The following ZNF676 variants were observed in gnomAD, a reference collection of about 807,000 sequenced individuals.
ZNF676 encodes zinc finger protein 676.
In ZNF676, 4 loss-of-function variants were observed where a neutral mutation model predicts 6.0. The observed-to-expected ratio is 0.67, with a 90% CI of 0.33 to 1.53. The LOEUF (loss-of-function observed/expected upper bound fraction) is 1.53, where lower values mean the gene tolerates loss of function less well. Among genes scored for constraint, ZNF676 ranks in the 40% most tolerant of loss-of-function variants. The probability of loss-of-function intolerance (pLI) is 0.06; values close to 1 mark genes in which losing one functional copy is unlikely to be tolerated. For missense variants in ZNF676, 644 were observed against 679.7 expected, an observed-to-expected ratio of 0.95 and a Z score of 0.58; for synonymous variants, 198 against 223.1, an observed-to-expected ratio of 0.89 and a Z score of 1.00.
the ZNF676 span, among the ~76,000 whole-genome samples, chr19:22,236,926 C>T: frequency 6.6e-6 from 1 of 152,158 alleles, no homozygotes; most frequent in South Asian, 2.1e-4. Flanking sequence ...CACTTGGCCC[C>T]TGCCATCATG....
the ZNF676 span, among the ~76,000 whole-genome samples, chr19:22,235,147 G>GAAA: frequency 6.8e-6 from 1 of 147,376 alleles, no homozygotes; most frequent in African/African-American, 2.6e-5. Context: ...AAGGAAGGAA[G>GAAA]GAAGGAAAGA....
At position 22,180,347 on chromosome 19, in the gene ZNF676, G is replaced by A; in HGVS notation, c.1370C>T (p.Ala457Val). Residue 457 changes from alanine (A) to valine (V), a missense_variant, in exon 3 of 3, where the codon GCC becomes GTC. Ala to Val is a moderately conservative substitution (Grantham distance 64). Coordinates refer to ENST00000397121, the MANE Select transcript of ZNF676 (RefSeq NM_001001411.3). ...AGTAAAGCTTGAGGACCAGGTGAAGGCTTTGCCACATTCTTCACATTTGTA... is the reference window on the plus strand; with the variant it reads ...AGTAAAGCTTGAGGACCAGGTGAAGACTTTGCCACATTCTTCACATTTGTA... ...KPYKCEECGKAFTWSSSFTKH... is the reference protein window; with the variant it reads ...KPYKCEECGKVFTWSSSFTKH... 1 of 1,613,630 alleles carries A rather than the reference G, an allele frequency of 6.2e-7. No homozygotes were observed. Among genetic ancestry groups the A allele is most frequent in the South Asian group, 1.1e-5 (1 of 91,054 alleles).
At chr19:22,259,809 C>T in the ZNF676 span, 2 of 152,140 alleles carry the variant, frequency 1.3e-5, no homozygotes, top group African/African-American at 2.4e-5. Context: ...AGTAATGTCA[C>T]TTTGGTATTG....
chr19:22,231,764 A>G, the ZNF676 span, among the ~76,000 whole-genome samples: 1 of 151,124 alleles, frequency 6.6e-6, no homozygotes, highest in East Asian at 2.0e-4. Context: ...CACCATGGCC[A>G]GCTAATTTTT....
chr19:22,250,530 T>A, the ZNF676 span, among the ~76,000 whole-genome samples: 1 of 152,278 alleles, frequency 6.6e-6, no homozygotes, highest in East Asian at 1.9e-4. Context: ...GTGATTCTCA[T>A]GCCTCAGCCT....
At chr19:22,245,541 G>A in the ZNF676 span, among the ~76,000 whole-genome samples, 1 of 142,024 alleles carries the variant, frequency 7.0e-6, no homozygotes, top group African/African-American at 2.8e-5. Context: ...AGTACAAGCA[G>A]GTGCCTCCCA....
intron 2 of ZNF676, among the ~76,000 whole-genome samples, chr19:22,190,632 T>TATAA (rs2023890178): frequency 1.3e-5 from 1 of 76,582 alleles, no homozygotes; most frequent in African/African-American, 7.4e-5. Context: ...GAATGCAACA[T>TATAA]ATATATATAT....
upstream of ZNF676, chr19:22,196,990 A>T (rs2023974091): frequency 2.8e-6 from 1 of 356,040 alleles, no homozygotes; most frequent in South Asian, 3.3e-5. Context: ...GAGGGCAAAA[A>T]CACTAACATG....
chr19:22,212,368 C>T (rs1000599061), intron 1 of ZNF676, among the ~76,000 whole-genome samples: 2 of 151,954 alleles, frequency 1.3e-5, no homozygotes, highest in African/African-American at 4.8e-5. Context: ...TATTTTCTTA[C>T]CTTTCAAGCC....
In ZNF676 at chr19:22,181,312, A is replaced by G; in HGVS notation, c.405T>C (p.His135=). ...TACATTTCAAACCTTTCTCTCCAGTATGCCTTATCTTATGTCTGTTTGAAT... is the reference window on the plus strand; with the variant it reads ...TACATTTCAAACCTTTCTCTCCAGTGTGCCTTATCTTATGTCTGTTTGAAT... ...CSNSNRHKIR[H]TGEKGLKCKE... Residue 135 remains histidine, a synonymous_variant, in exon 3 of 3, where the codon CAT becomes CAC. Transcript: ENST00000397121. The G allele has an allele frequency of 1.2e-6, 2 of 1,613,776 alleles. No homozygotes were observed. The highest frequency in any genetic ancestry group is 1.1e-5 in the South Asian group (1 of 91,070).
At chr19:22,213,960 G>T (rs1434498210) in intron 1 of ZNF676, among the ~76,000 whole-genome samples, 4 of 152,136 alleles carry the variant, frequency 2.6e-5, no homozygotes, top group African/African-American at 9.7e-5. Context: ...TGTGTCTAGG[G>T]AAACTAGAAG....
chr19:22,258,643 C>G, the ZNF676 span, among the ~76,000 whole-genome samples: 1 of 152,058 alleles, frequency 6.6e-6, no homozygotes, highest in Non-Finnish European at 1.5e-5. Context: ...GTGTTACACT[C>G]AGGAATATGT....
the ZNF676 span, among the ~76,000 whole-genome samples, chr19:22,246,790 G>C: frequency 2.9e-3 from 421 of 147,100 alleles, 1 homozygote; most frequent in African/African-American, 9.1e-3. Flanking sequence ...TTTGTGCACA[G>C]GGTCCAAACA....
chr19:22,192,339 C>G (rs77392246), intron 2 of ZNF676, among the ~76,000 whole-genome samples: 1 of 151,866 alleles, frequency 6.6e-6, no homozygotes, highest in Admixed American at 6.6e-5. Flanking sequence ...TATTTTATGT[C>G]TATAGATTCA....
upstream of ZNF676, among the ~76,000 whole-genome samples, chr19:22,198,066 G>A (rs2023988272): frequency 6.6e-6 from 1 of 151,946 alleles, no homozygotes. Context: ...GAATTTTCTG[G>A]GTAATAAATA....
chr19:22,230,604 GTATATATATGTATGTATAT>G, the ZNF676 span, among the ~76,000 whole-genome samples: 2 of 150,614 alleles, frequency 1.3e-5, no homozygotes, highest in Admixed American at 6.7e-5. Context: ...ATATATATGT[GTATATATATGTATGTATAT>G]TATATATATG....
At position 22,179,732 on chromosome 19, in the gene ZNF676, G is replaced by T. The variant is rs886294083; in HGVS notation, c.*218C>A. The T allele has an allele frequency of 1.3e-4, 98 of 756,326 alleles. 1 individual carries two copies. The highest frequency in any genetic ancestry group is 7.8e-5 in the Non-Finnish European group (33 of 421,644). The allele number at this position is 756,326 out of a possible 1,614,324, so 46.9% of individuals were successfully genotyped here. ...TTCTCTCCAGTATGAATTCTCTTAT[G>T]TTCCACAAGGTTTGAGGACCGGTTG... On this transcript the variant is annotated 3_prime_UTR_variant, in exon 3 of 3. Transcript: ENST00000397121.
rs533582327 is a variant in ZNF676 at position 22,193,795 on chromosome 19, T to G, written c.35-684A>C. On this transcript the variant is annotated intron_variant, in intron 1 of 2. Coordinates refer to ENST00000397121, the MANE Select transcript of ZNF676 (RefSeq NM_001001411.3). ...CCTGATCCAAACAATCTGCAACATC[T>G]TTTACATGAGCACACTCCTGTACAG... Among the ~76,000 whole-genome samples, 4 of 152,244 alleles carry G rather than the reference T, an allele frequency of 2.6e-5. No individual in the cohort carries two copies. In the East Asian group the frequency reaches 7.7e-4, roughly 29 times the overall value.
chr19:22,255,214 G>A, the ZNF676 span, among the ~76,000 whole-genome samples: 1 of 152,092 alleles, frequency 6.6e-6, no homozygotes, highest in Non-Finnish European at 1.5e-5. Flanking sequence ...CCATGTATGT[G>A]ATTCAATTTT....
Sources: gnomAD v4.1 joint callset for allele counts (sites outside exome capture counted in the v4.1 genomes callset) on GRCh38, gnomAD v4.1.1 for gene constraint, MANE v1.5 for transcripts, NCBI Gene and HGNC (gene_info 2026-07-23, HGNC 2026-07-21) for gene names.